Variants in VPS13B observed in about 807,000 individuals in gnomAD.
VPS13B encodes the protein vacuolar protein sorting 13 homolog B, also known as intermembrane lipid transfer protein VPS13B.
A neutral mutation model predicts 426.4 loss-of-function variants in VPS13B; 285 were observed. The observed-to-expected ratio is 0.67, with a 90% CI of 0.61 to 0.74. VPS13B has a LOEUF of 0.74. Ranked by LOEUF, VPS13B falls within the 30% of genes least tolerant of loss-of-function variation. The pLI, the probability that VPS13B is intolerant of heterozygous loss-of-function variation, is 0.00. For missense variants in VPS13B, 4,537 were observed against 4,782.6 expected (o/e 0.95, Z 1.51); for synonymous variants, 1,676 against 1,676.4 (o/e 1.00, Z 0.01).
intron 17 of VPS13B, among the ~76,000 whole-genome samples, chr8:99,221,837 C>G (rs1815742259): frequency 6.6e-6 from 1 of 152,178 alleles, no homozygotes; most frequent in South Asian, 2.1e-4. Context: ...GCCTCCCCAG[C>G]AGCTGATACT....
chr8:99,850,638 C>T (rs1376969015), intron 55 of VPS13B, among the ~76,000 whole-genome samples: 1 of 152,100 alleles, frequency 6.6e-6, no homozygotes, highest in Non-Finnish European at 1.5e-5. Flanking sequence ...TTAAAAAGCT[C>T]ATTGCAGCCA....
chr8:99,543,526 A>T (rs1224213510), intron 30 of VPS13B, among the ~76,000 whole-genome samples: 5 of 152,094 alleles, frequency 3.3e-5, no homozygotes. Context: ...TGAATAGGCA[A>T]CCTACAAAAT....
At chr8:99,731,405 A>AG (rs1458267227) in intron 39 of VPS13B, among the ~76,000 whole-genome samples, 1 of 152,228 alleles carries the variant, frequency 6.6e-6, no homozygotes, top group African/African-American at 2.4e-5. Flanking sequence ...AAGATCATAA[A>AG]GCAAGTTAAG....
At chr8:99,095,787 C>T (rs1211026040) in intron 3 of VPS13B, among the ~76,000 whole-genome samples, 1 of 152,054 alleles carries the variant, frequency 6.6e-6, no homozygotes, top group African/African-American at 2.4e-5. Context: ...CCAGTTAAAA[C>T]TTATACCTAA....
At chr8:99,448,878 A>G (rs185411534) in intron 23 of VPS13B, among the ~76,000 whole-genome samples, 104 of 152,190 alleles carry the variant, frequency 6.8e-4, no homozygotes, top group Admixed American at 1.4e-3. Context: ...ATAACTTTCA[A>G]TCATTTATGT....
intron 30 of VPS13B, among the ~76,000 whole-genome samples, chr8:99,533,994 G>C (rs1040635501): frequency 6.6e-6 from 1 of 152,186 alleles, no homozygotes; most frequent in Non-Finnish European, 1.5e-5. Context: ...GCAAAGGTAT[G>C]TTTCGTATCT....
chr8:99,234,491 C>T lies in VPS13B; in HGVS notation c.2516-39707C>T, dbSNP rs924186389. The T allele has an allele frequency of 5.5e-6, 3 of 544,378 alleles. No homozygotes were observed. The East Asian group carries it at 1.5e-4, about 27-fold the overall frequency. The allele number at this position is 544,378 out of a possible 1,614,324, so 33.7% of individuals were successfully genotyped here. On this transcript the variant is annotated intron_variant, in intron 17 of 61. Coordinates refer to ENST00000357162, the MANE Select transcript of VPS13B (RefSeq NM_152564.5). The stretch of plus-strand genomic sequence containing the variant: ...TCGCCGCCGCCCCGCCCCGACTCTA[C>T]ACGCCGGTAGGGAAGGGGCTTCCGC...
At chr8:99,275,328 G>C in intron 19 of VPS13B, 74 bp downstream of exon 19, 1 of 1,333,818 alleles carries the variant, frequency 7.5e-7, no homozygotes, top group East Asian at 2.7e-5. Flanking sequence ...TTTTAAAATT[G>C]GTATATATTT....
At chr8:99,854,687 G>A (rs1816460103) in intron 56 of VPS13B, among the ~76,000 whole-genome samples, 2 of 152,164 alleles carry the variant, frequency 1.3e-5, no homozygotes, top group Non-Finnish European at 2.9e-5. Flanking sequence ...AACTAGCCCA[G>A]GTCTTCAGTC....
intron 33 of VPS13B, among the ~76,000 whole-genome samples, chr8:99,624,011 T>A (rs57935290): frequency 0.15 from 10,614 of 71,254 alleles, 354 homozygotes; most frequent in East Asian, 0.4. Flanking sequence ...ATATATATTT[T>A]TTTTTTTTTT....
chr8:99,109,009 C>T (rs1395633483), intron 5 of VPS13B, among the ~76,000 whole-genome samples: 2 of 152,060 alleles, frequency 1.3e-5, no homozygotes, highest in Non-Finnish European at 2.9e-5. Context: ...ATTGCTTTTT[C>T]CAGGTTTTGG....
chr8:99,163,564 C>T (rs942248631), intron 15 of VPS13B, among the ~76,000 whole-genome samples: 5 of 152,198 alleles, frequency 3.3e-5, no homozygotes, highest in East Asian at 1.9e-4. Context: ...AGCTAAGGCC[C>T]GGCGAGAAAT....
intron 17 of VPS13B, among the ~76,000 whole-genome samples, chr8:99,254,678 G>A (rs1364981632): frequency 6.6e-6 from 1 of 151,648 alleles, no homozygotes; most frequent in East Asian, 1.9e-4. Flanking sequence ...GAATCTCACT[G>A]TGTCACCCAG....
intron 29 of VPS13B, 94 bp from the exon 30 acceptor site, chr8:99,520,803 ATG>A (rs1344322131): frequency 1.1e-6 from 1 of 905,052 alleles, no homozygotes; most frequent in Non-Finnish European, 1.8e-6. Flanking sequence ...TCTTATCTTA[ATG>A]TGTCTCTATT....
chr8:99,326,452 C>CTTTTGTTTTTTTTT (rs1810269259), intron 19 of VPS13B, among the ~76,000 whole-genome samples: 2 of 32,518 alleles, frequency 6.2e-5, no homozygotes, highest in Admixed American at 4.8e-4. Context: ...CTCTAGGTAG[C>CTTTTGTTTTTTTTT]TTTTTTTTTT....
chr8:99,300,600 C>G (rs1026233396), intron 19 of VPS13B, among the ~76,000 whole-genome samples: 4 of 152,050 alleles, frequency 2.6e-5, no homozygotes, highest in African/African-American at 7.2e-5. Flanking sequence ...CTTGTTTATC[C>G]CTTTCAGCCT....
At chr8:99,500,974 T>C (rs192551418) in intron 25 of VPS13B, among the ~76,000 whole-genome samples, 70 of 152,318 alleles carry the variant, frequency 4.6e-4, no homozygotes, top group African/African-American at 1.6e-3. Flanking sequence ...TTATACATAT[T>C]CAGAGTTCAG....
At chr8:99,846,215 A>G (rs1294951987) in intron 54 of VPS13B, among the ~76,000 whole-genome samples, 2 of 152,342 alleles carry the variant, frequency 1.3e-5, no homozygotes, top group East Asian at 1.9e-4. Context: ...CATGGAACTT[A>G]CACAGAGTCC....
Position 99,520,899 on chromosome 8 carries a change from C to G in VPS13B, c.4634C>G (p.Ala1545Gly), listed in dbSNP as rs1319725217. The G allele has an allele frequency of 1.2e-6, 2 of 1,613,074 alleles. No homozygotes were observed. The highest frequency in any genetic ancestry group is 3.3e-5 in the Admixed American group (2 of 60,000). The change falls in exon 30 of 62, where the codon GCT becomes GGT. Residue 1545 changes from alanine to glycine, a missense_variant and splice_region_variant. By Grantham distance (60) the Ala-to-Gly change is moderately conservative. Transcript: ENST00000357162. The part of the protein sequence containing the change: ...KTEEMQPTVE[A>G]NQAAKEDTVV... ...CATGAATCTCCTTCTTTTGTTACAG[C>G]TAATCAGGCAGCAAAAGAAGACACT...
Sources: gnomAD v4.1 joint callset for allele counts (sites outside exome capture counted in the v4.1 genomes callset) on GRCh38, gnomAD v4.1.1 for gene constraint, MANE v1.5 for transcripts, NCBI Gene and HGNC (gene_info 2026-07-23, HGNC 2026-07-21) for gene names.